OTUD7A: variants seen among roughly 807,000 people sequenced by gnomAD.
The protein encoded by OTUD7A is OTU deubiquitinase 7A.
Under a neutral mutation model 65.7 loss-of-function variants are expected in OTUD7A, and 12 were observed. The ratio of observed to expected loss-of-function variants is 0.18; its 90% CI spans 0.12 to 0.30. OTUD7A has a LOEUF of 0.30. Among genes scored for constraint, OTUD7A ranks in the 10% least tolerant of loss-of-function variants. The probability of loss-of-function intolerance (pLI) is 1.00; values close to 1 mark genes in which losing one functional copy is unlikely to be tolerated. For synonymous variants in OTUD7A, 641 were observed against 586.3 expected, an observed-to-expected ratio of 1.09 and a Z score of -1.35; for missense variants, 1,148 against 1,304.8, an observed-to-expected ratio of 0.88 and a Z score of 1.85.
At chr15:31,632,786 CCGG>C (rs1415716896) in intron 3 of OTUD7A, among the ~76,000 whole-genome samples, 8 of 135,854 alleles carry the variant, frequency 5.9e-5, no homozygotes, top group East Asian at 2.1e-4. Context: ...TTCGAGCTTC[CCGG>C]CTGCTTTGTT....
rs116478849 is a variant in OTUD7A, at chr15:31,861,504, G to A, written c.-100+9003C>T. 5.2e-3 allele frequency among the ~76,000 whole-genome samples: 797 copies of A among 152,264 alleles called. 10 individuals are homozygous for A. Among genetic ancestry groups the A allele is most frequent in the African/African-American group, 0.018 (767 of 41,546 alleles). ...TAAATGGGATAAGTCAGCTTTGGTA[G>A]AAGAAACCTTGTCTACCTCTTCCAG... On this transcript the variant is annotated intron_variant, in intron 1 of 12. Transcript: ENST00000307050.
At chr15:31,623,519 G>C (rs1045165090) in intron 3 of OTUD7A, among the ~76,000 whole-genome samples, 1 of 152,238 alleles carries the variant, frequency 6.6e-6, no homozygotes, top group African/African-American at 2.4e-5. Context: ...TCAGACTGCT[G>C]TGCTAGCAAT....
intron 1 of OTUD7A, among the ~76,000 whole-genome samples, chr15:31,732,311 G>A (rs1485087658): frequency 1.3e-5 from 2 of 152,198 alleles, no homozygotes; most frequent in African/African-American, 4.8e-5. Context: ...TCTGTCCCTG[G>A]CTCTGCTGTG....
At chr15:31,586,624 C>T (rs1302462112) in intron 3 of OTUD7A, among the ~76,000 whole-genome samples, 3 of 152,124 alleles carry the variant, frequency 2.0e-5, no homozygotes, top group African/African-American at 7.2e-5. Flanking sequence ...CAGTGTAAGT[C>T]TGAAGAGTCT....
intron 5 of OTUD7A, among the ~76,000 whole-genome samples, chr15:31,531,696 G>T (rs1481853509): frequency 6.6e-6 from 1 of 152,120 alleles, no homozygotes; most frequent in Admixed American, 6.6e-5. Flanking sequence ...CAAAGTTCTA[G>T]TGAGAAGCCT....
chr15:31,568,607 G>A (rs1228925490), intron 4 of OTUD7A, among the ~76,000 whole-genome samples: 1 of 152,154 alleles, frequency 6.6e-6, no homozygotes, highest in African/African-American at 2.4e-5. Flanking sequence ...GCCCAGGAGT[G>A]GATTGATATA....
At chr15:31,628,115 T>C (rs1459199024) in intron 3 of OTUD7A, among the ~76,000 whole-genome samples, 1 of 152,224 alleles carries the variant, frequency 6.6e-6, no homozygotes, top group Non-Finnish European at 1.5e-5. Context: ...CATTTGTCAA[T>C]GTTGGCTTTT....
At chr15:31,605,211 AAT>A (rs1249487154) in intron 3 of OTUD7A, among the ~76,000 whole-genome samples, 3 of 151,890 alleles carry the variant, frequency 2.0e-5, no homozygotes, top group African/African-American at 7.2e-5. Flanking sequence ...ATGGGTGGTA[AAT>A]ATGTTATGTG....
intron 1 of OTUD7A, among the ~76,000 whole-genome samples, chr15:31,721,876 T>C (rs1893748429): frequency 6.6e-6 from 1 of 152,222 alleles, no homozygotes; most frequent in Admixed American, 6.5e-5. Flanking sequence ...GGACCCAGGC[T>C]CCTAGGCCAG....
At chr15:31,840,545 C>T (rs1461269628) in intron 1 of OTUD7A, among the ~76,000 whole-genome samples, 1 of 152,204 alleles carries the variant, frequency 6.6e-6, no homozygotes, top group East Asian at 1.9e-4. Context: ...TAACATTACA[C>T]TCTAGAGGTT....
At chr15:31,724,669 A>T (rs1042680836) in intron 1 of OTUD7A, among the ~76,000 whole-genome samples, 1 of 152,150 alleles carries the variant, frequency 6.6e-6, no homozygotes, top group African/African-American at 2.4e-5. Context: ...CACACCTGAG[A>T]TCGCATCTTT....
At chr15:31,664,133 G>A (rs1263927979) in intron 1 of OTUD7A, among the ~76,000 whole-genome samples, 1 of 152,178 alleles carries the variant, frequency 6.6e-6, no homozygotes, top group Non-Finnish European at 1.5e-5. Context: ...CTACAAACAT[G>A]CGTGTGCAAG....
At chr15:31,719,926 C>T (rs1341993350) in intron 1 of OTUD7A, among the ~76,000 whole-genome samples, 2 of 152,134 alleles carry the variant, frequency 1.3e-5, no homozygotes, top group Admixed American at 1.3e-4. Flanking sequence ...CTCGACCATC[C>T]TCCCCGTCTG....
At chr15:31,686,365 T>C (rs932211764) in intron 1 of OTUD7A, among the ~76,000 whole-genome samples, 5 of 152,228 alleles carry the variant, frequency 3.3e-5, no homozygotes, top group African/African-American at 1.2e-4. Context: ...GGTTTCCAAG[T>C]GGACAGACAT....
At chr15:31,657,351 C>G (rs1358545273) in intron 1 of OTUD7A, among the ~76,000 whole-genome samples, 1 of 151,456 alleles carries the variant, frequency 6.6e-6, no homozygotes, top group East Asian at 1.9e-4. Context: ...CTGTTTTTTC[C>G]TTTTCCTTTT....
chr15:31,546,406 T>G (rs757682616), intron 5 of OTUD7A, among the ~76,000 whole-genome samples: 11 of 152,238 alleles, frequency 7.2e-5, no homozygotes, highest in Non-Finnish European at 1.2e-4. Context: ...GTAATTTAAA[T>G]TCATTAAATG....
chr15:31,683,562 G>A (rs1408943094), intron 1 of OTUD7A, among the ~76,000 whole-genome samples: 1 of 152,156 alleles, frequency 6.6e-6, no homozygotes, highest in Non-Finnish European at 1.5e-5. Context: ...ATATGGTTGT[G>A]GTGGTGATTA....
chr15:31,731,317 C>T (rs1031314968), intron 1 of OTUD7A, among the ~76,000 whole-genome samples: 4 of 152,116 alleles, frequency 2.6e-5, no homozygotes, highest in African/African-American at 9.7e-5. Context: ...TCAGAAGCAA[C>T]CAAGATGTCC....
chr15:31,575,012 A>G (rs1889161747), intron 3 of OTUD7A, among the ~76,000 whole-genome samples: 1 of 152,092 alleles, frequency 6.6e-6, no homozygotes, highest in African/African-American at 2.4e-5. Context: ...AACTGCAACA[A>G]AGGCTCTTGC....
Sources: gnomAD v4.1 joint callset for allele counts (sites outside exome capture counted in the v4.1 genomes callset) on GRCh38, gnomAD v4.1.1 for gene constraint, MANE v1.5 for transcripts, NCBI Gene and HGNC (gene_info 2026-07-23, HGNC 2026-07-21) for gene names.